RBM5: variants seen among roughly 807,000 people sequenced by gnomAD.
RBM5 encodes RNA-binding protein 5.
In RBM5, 15 loss-of-function variants were observed where a neutral mutation model predicts 124.6. The observed-to-expected ratio is 0.12, with a 90% CI of 0.08 to 0.19. RBM5 has a LOEUF of 0.19. RBM5 is among the 10% of genes least tolerant of loss of function. RBM5 has a pLI of 1.00. For synonymous variants in RBM5, 337 were observed against 361.2 expected (o/e 0.93, Z 0.76); for missense variants, 580 against 1,026.5 (o/e 0.57, Z 5.94).
At chr3:50,108,408 G>A (rs2091079335) in intron 14 of RBM5, 104 bp downstream of exon 14, 12 of 1,189,442 alleles carry the variant, frequency 1.0e-5, no homozygotes, top group Non-Finnish European at 1.5e-5. Context: ...CCATTTCTCT[G>A]TAAGATTGTA....
intron 17 of RBM5, among the ~76,000 whole-genome samples, chr3:50,112,414 TAAAAAAAAAA>T (rs58011975): frequency 0.59 from 52,543 of 88,708 alleles, 14,299 homozygotes; most frequent in East Asian, 0.87. Flanking sequence ...AGACTCTGTC[TAAAAAAAAAA>T]AAAAAAAAAA....
chr3:50,095,225 A>G (rs540084459), intron 4 of RBM5, among the ~76,000 whole-genome samples: 6 of 152,146 alleles, frequency 3.9e-5, no homozygotes, highest in Admixed American at 6.6e-5. Flanking sequence ...GTAAATTACC[A>G]TATTTAGGCT....
rs2091279639 is a variant in RBM5 at position 50,117,622 on chromosome 3, A to G, written c.2322+243A>G. 6 of 411,422 alleles carry G rather than the reference A, an allele frequency of 1.5e-5. No individual in the cohort carries two copies. In the South Asian group the frequency reaches 1.7e-4, roughly 12 times the overall value. The allele number at this position is 411,422 out of a possible 1,614,324, so 25.5% of individuals were successfully genotyped here. A position where few individuals can be genotyped will look rare whatever the true frequency, so the allele number is the denominator to read the frequency against. ...ACGGTGAAACCCCGTCTCTACTAAAATACAAAATATTAACTGGACGTGGCA... is the reference window on the plus strand; with the variant it reads ...ACGGTGAAACCCCGTCTCTACTAAAGTACAAAATATTAACTGGACGTGGCA... On this transcript the variant is annotated intron_variant, in intron 24 of 24. Coordinates refer to ENST00000347869, the MANE Select transcript of RBM5 (RefSeq NM_005778.4). The surrounding 1 kb of genome is among the most constrained non-coding windows in gnomAD (Gnocchi z 4.2).
chr3:50,093,766 A>G lies in RBM5; in HGVS notation c.230A>G (p.His77Arg). ...AGTGACCGATCCGAAGATGGCTACC[A>G]TTCAGATGGTGACTATGGTGAGCAC... ...RNSDRSEDGY[H>R]SDGDYGEHDY... Residue 77 changes from histidine to arginine, a missense_variant, in exon 4 of 25, where the codon CAT becomes CGT. Coordinates refer to ENST00000347869, the MANE Select transcript of RBM5 (RefSeq NM_005778.4). 6.2e-7 allele frequency: 1 copy of G among 1,614,048 alleles called. No individual in the cohort carries two copies. The highest frequency in any genetic ancestry group is 8.5e-7 in the Non-Finnish European group (1 of 1,179,932).
At chr3:50,116,790 T>C (rs13066140) in intron 22 of RBM5, 37,497 of 408,348 alleles carry the variant, frequency 0.092, 2,211 homozygotes, top group Non-Finnish European at 0.11. Flanking sequence ...CACTGCCCAG[T>C]GGGCTGGTTG....
rs748115089 is a variant in RBM5 at position 50,092,044 on chromosome 3, G to C, written c.19G>C (p.Val7Leu). 2 of 1,613,896 alleles carry C rather than the reference G, an allele frequency of 1.2e-6. No individual in the cohort carries two copies. Among genetic ancestry groups the C allele is most frequent in the African/African-American group, 2.7e-5 (2 of 74,920 alleles). MGSDKRVSRTERSGRYG... is the reference protein window; with the variant it reads MGSDKRLSRTERSGRYG... ...AATGAAAATTATTTTCCCTGGCAGAGTGAGTAGAACAGAGCGTAGTGGAAG... is the reference window on the plus strand; with the variant it reads ...AATGAAAATTATTTTCCCTGGCAGACTGAGTAGAACAGAGCGTAGTGGAAG... Residue 7 changes from valine (V) to leucine (L), a missense_variant and splice_region_variant, in exon 3 of 25, where the codon GTG (valine) becomes CTG (leucine). By Grantham distance (32) the Val-to-Leu change is conservative. Transcript: ENST00000347869.
At chr3:50,110,860 G>A in intron 17 of RBM5, 90 bp downstream of exon 17, 1 of 1,067,754 alleles carries the variant, frequency 9.4e-7, no homozygotes, top group Admixed American at 2.7e-5. Flanking sequence ...TCCTGCAAAA[G>A]AATATATGAC....
chr3:50,090,463 C>A lies in RBM5; in HGVS notation c.17+12C>A. The A allele has an allele frequency of 1.2e-6, 2 of 1,613,896 alleles. No homozygotes were observed. Among genetic ancestry groups the A allele is most frequent in the Non-Finnish European group, 1.7e-6 (2 of 1,179,850 alleles). On this transcript the variant is annotated intron_variant, in intron 2 of 24. Transcript: ENST00000347869. Reference sequence around the variant, plus strand: ...GGTTCAGACAAAAGGTAAGTTACTACAGTACGTGGCTTTGATCTCAACATT... The same window carrying A: ...GGTTCAGACAAAAGGTAAGTTACTAAAGTACGTGGCTTTGATCTCAACATT...
chr3:50,096,303 A>G (rs997288018), intron 4 of RBM5, among the ~76,000 whole-genome samples: 8 of 141,968 alleles, frequency 5.6e-5, no homozygotes, highest in African/African-American at 2.1e-4. Context: ...AACCTGGACA[A>G]CATGGTAAGA....
rs1168948184 is a variant in RBM5 at position 50,099,881 on chromosome 3, A to G, written c.340-101A>G. The G allele has an allele frequency of 6.3e-5, 71 of 1,119,780 alleles. No homozygotes were observed. The East Asian group carries it at 1.9e-3, about 30-fold the overall frequency. The allele number at this position is 1,119,780 out of a possible 1,614,324, so 69.4% of individuals were successfully genotyped here. Reference sequence around the variant, plus strand: ...AGACAGAGACTCCCATCTTAAAAAAAAAAAAAACTTGGCTAATTAAACAGT... The same window carrying G: ...AGACAGAGACTCCCATCTTAAAAAAGAAAAAAACTTGGCTAATTAAACAGT... On this transcript the variant is annotated intron_variant, in intron 4 of 24. Coordinates refer to ENST00000347869, the MANE Select transcript of RBM5 (RefSeq NM_005778.4).
intron 12 of RBM5, 31 bp downstream of exon 12, chr3:50,107,600 G>C (rs775621684): frequency 1.1e-5 from 16 of 1,506,766 alleles, no homozygotes; most frequent in Non-Finnish European, 1.5e-5. Flanking sequence ...GCTCAAGGTA[G>C]TGTGGTGGTG....
At chr3:50,108,418 A>AGG in intron 14 of RBM5, 114 bp downstream of exon 14, 1 of 1,105,122 alleles carries the variant, frequency 9.0e-7, no homozygotes, top group Non-Finnish European at 1.3e-6. Context: ...GTAAGATTGT[A>AGG]GGGGGCATGG....
chr3:50,098,611 T>A (rs1411626093), intron 4 of RBM5, among the ~76,000 whole-genome samples: 1 of 151,998 alleles, frequency 6.6e-6, no homozygotes, highest in Non-Finnish European at 1.5e-5. Context: ...TCTGGCTGAT[T>A]TTTTGTATTT....
At position 50,107,552 on chromosome 3, in the gene RBM5, C is replaced by T. The variant is rs1375558137; in HGVS notation, c.1024C>T (p.Gln342Ter). 1 of 1,608,310 alleles carries T rather than the reference C, an allele frequency of 6.2e-7. No homozygotes were observed. The highest frequency in any genetic ancestry group is 8.5e-7 in the Non-Finnish European group (1 of 1,174,864). ...AGCTAGTACGGCTATTGCTGCTGCTCAGTGGTCATCCACCCAGGTAAGATC... is the reference window on the plus strand; with the variant it reads ...AGCTAGTACGGCTATTGCTGCTGCTTAGTGGTCATCCACCCAGGTAAGATC... ...SVASTAIAAAQWSSTQSQSGE... is the reference protein window; with the variant it reads ...SVASTAIAAA Residue 342 changes from glutamine to a stop codon, truncating the protein, a stop_gained, in exon 12 of 25, where the codon CAG becomes TAG. Transcript: ENST00000347869. LOFTEE classifies it high-confidence loss of function.
At chr3:50,095,315 TAATC>T (rs1420736220) in intron 4 of RBM5, among the ~76,000 whole-genome samples, 3 of 152,218 alleles carry the variant, frequency 2.0e-5, no homozygotes, top group African/African-American at 7.2e-5. Flanking sequence ...TCCTAGAAGA[TAATC>T]AATATATTTT....
rs1256414180 is a variant in RBM5 at position 50,094,001 on chromosome 3, T to C, written c.339+126T>C. On this transcript the variant is annotated intron_variant, in intron 4 of 24. Transcript: ENST00000347869. ...GAGGTTGAGTATCCCTTATCCAAAATGCTTGGGACCAGAACTGTTTTGATA... is the reference window on the plus strand; with the variant it reads ...GAGGTTGAGTATCCCTTATCCAAAACGCTTGGGACCAGAACTGTTTTGATA... The C allele has an allele frequency of 4.8e-6, 5 of 1,043,462 alleles. No individual in the cohort carries two copies. In the East Asian group the frequency reaches 1.2e-4, roughly 25 times the overall value. 64.6% of individuals were successfully genotyped at this position (1,043,462 alleles called of 1,614,324 possible). A position where few individuals can be genotyped will look rare whatever the true frequency, so the allele number is the denominator to read the frequency against.
chr3:50,104,150 TGTTA>T (rs1436274058), intron 7 of RBM5, 94 bp from the exon 8 acceptor site: 1 of 952,064 alleles, frequency 1.1e-6, no homozygotes, highest in Admixed American at 2.1e-5. Context: ...TCTGCTTTTC[TGTTA>T]GTTACTGGGA....
At chr3:50,093,908 A>C in intron 4 of RBM5, 33 bp downstream of exon 4, 1 of 1,578,838 alleles carries the variant, frequency 6.3e-7, no homozygotes, top group Middle Eastern at 1.7e-4. Context: ...ACCAGCAGTC[A>C]GTAGGCACAA....
chr3:50,099,751 A>G (rs759088829), intron 4 of RBM5: 1 of 361,014 alleles, frequency 2.8e-6, no homozygotes, highest in Admixed American at 4.5e-5. Flanking sequence ...AATCCCAGCT[A>G]CTCGGGAGGC....
Sources: allele counts gnomAD v4.1 joint callset (sites outside exome capture counted in the v4.1 genomes callset), GRCh38; gene constraint gnomAD v4.1.1; non-coding constraint Gnocchi (gnomAD v3.1); transcripts MANE v1.5; gene names NCBI Gene and HGNC (gene_info 2026-07-23, HGNC 2026-07-21).